PDS5B: variants seen among roughly 807,000 people sequenced by gnomAD.
PDS5B encodes the protein PDS5 cohesin associated factor B.
Under a neutral mutation model 184.1 loss-of-function variants are expected in PDS5B, and 51 were observed. The ratio of observed to expected loss-of-function variants is 0.28; its 90% CI spans 0.22 to 0.35. The LOEUF is 0.35. Among genes scored for constraint, PDS5B ranks in the 10% least tolerant of loss-of-function variants. PDS5B has a pLI of 1.00. For synonymous variants in PDS5B, 566 were observed against 569.2 expected, an observed-to-expected ratio of 0.99 and a Z score of 0.08; for missense variants, 1,180 against 1,723.3, an observed-to-expected ratio of 0.68 and a Z score of 5.58.
chr13:32,648,488 CTAT>C (rs887487834), intron 1 of PDS5B, among the ~76,000 whole-genome samples: 6 of 151,944 alleles, frequency 3.9e-5, no homozygotes, highest in South Asian at 2.1e-4. Context: ...CTCTAGCTTA[CTAT>C]TATTATTATT....
intron 9 of PDS5B, among the ~76,000 whole-genome samples, chr13:32,676,610 A>G (rs1021760302): frequency 4.6e-5 from 7 of 152,200 alleles, no homozygotes; most frequent in African/African-American, 1.7e-4. Context: ...AATTATTCTC[A>G]TAACAAATAA....
intron 17 of PDS5B, among the ~76,000 whole-genome samples, chr13:32,702,826 C>CT (rs1294403976): frequency 1.3e-5 from 2 of 152,042 alleles, no homozygotes; most frequent in Non-Finnish European, 1.5e-5. Context: ...CTTCCTTTTA[C>CT]TTTATCTGTT....
intron 23 of PDS5B, 53 bp from the exon 24 acceptor site, chr13:32,745,924 T>C: frequency 1.4e-6 from 2 of 1,441,142 alleles, no homozygotes; most frequent in South Asian, 2.4e-5. Context: ...GTACAGAAGA[T>C]TTTGTACAAA....
At chr13:32,771,432 T>C (rs902755811) in intron 33 of PDS5B, among the ~76,000 whole-genome samples, 3 of 152,194 alleles carry the variant, frequency 2.0e-5, no homozygotes, top group Admixed American at 1.3e-4. Context: ...TTTTTTCTCC[T>C]TAGTTATGTG....
intron 6 of PDS5B, among the ~76,000 whole-genome samples, chr13:32,664,354 A>G (rs1950728674): frequency 6.6e-6 from 1 of 152,222 alleles, no homozygotes; most frequent in African/African-American, 2.4e-5. Flanking sequence ...TTCTAGCATA[A>G]TTTCAAAAAA....
Position 32,678,868 on chromosome 13 carries a change from A to G in PDS5B, c.996A>G (p.Glu332=), listed in dbSNP as rs1951148705. The change falls in exon 10 of 35, where the codon GAA becomes GAG. Residue 332 remains glutamate (E), a synonymous_variant. Transcript: ENST00000315596. ...FNDIHVPIRL[E]CVKFASHCLM... ...ATATCCATGTACCAATCCGCCTGGA[A>G]TGTGTGAAATTTGCTAGCCATTGTC... is the stretch of plus-strand genomic sequence containing the variant. 1.2e-6 allele frequency: 2 copies of G among 1,608,936 alleles called. No individual in the cohort carries two copies. The highest frequency in any genetic ancestry group is 8.5e-7 in the Non-Finnish European group (1 of 1,175,418).
At chr13:32,748,093 A>C (rs188458988) in intron 24 of PDS5B, among the ~76,000 whole-genome samples, 1 of 152,346 alleles carries the variant, frequency 6.6e-6, no homozygotes, top group East Asian at 1.9e-4. Context: ...GTCAGTGGTT[A>C]AAAATCAGTT....
intron 1 of PDS5B, among the ~76,000 whole-genome samples, chr13:32,640,051 A>C (rs952207448): frequency 2.0e-5 from 3 of 152,178 alleles, no homozygotes; most frequent in Non-Finnish European, 4.4e-5. Flanking sequence ...CTATTCAGTG[A>C]AAATATCTTA....
intron 31 of PDS5B, among the ~76,000 whole-genome samples, chr13:32,769,722 CTATGTGGTAAAATTAGAAT>C (rs1333699265): frequency 2.0e-5 from 3 of 152,210 alleles, no homozygotes; most frequent in African/African-American, 7.2e-5. Context: ...GTCTTACGCA[CTATGTGGTAAAATTAGAAT>C]TACTTAAATT....
At chr13:32,744,619 C>T (rs2140979787) in intron 23 of PDS5B, among the ~76,000 whole-genome samples, 1 of 152,198 alleles carries the variant, frequency 6.6e-6, no homozygotes, top group Middle Eastern at 3.4e-3. Flanking sequence ...GGATAGATAA[C>T]ACAGGAAGCA....
chr13:32,759,449 G>A (rs1226746644), intron 28 of PDS5B, among the ~76,000 whole-genome samples, 179 bp from the exon 29 acceptor site: 1 of 152,184 alleles, frequency 6.6e-6, no homozygotes, highest in East Asian at 1.9e-4. Flanking sequence ...GTTAATATTA[G>A]AGTTGGCATG....
At chr13:32,645,150 A>T (rs1367438436) in intron 1 of PDS5B, among the ~76,000 whole-genome samples, 3 of 151,850 alleles carry the variant, frequency 2.0e-5, no homozygotes, top group Non-Finnish European at 4.4e-5. Context: ...TTTTTTATTC[A>T]TTTTAATTTT....
chr13:32,646,407 A>G (rs1950228891), intron 1 of PDS5B, among the ~76,000 whole-genome samples: 1 of 103,450 alleles, frequency 9.7e-6, no homozygotes. Context: ...CCATTGTATG[A>G]CTATACTACA....
intron 16 of PDS5B, among the ~76,000 whole-genome samples, 169 bp downstream of exon 16, chr13:32,700,038 A>G (rs576876241): frequency 4.4e-4 from 67 of 152,226 alleles, no homozygotes; most frequent in African/African-American, 1.6e-3. Context: ...ATTGTGGTGT[A>G]TGTCCTTCTA....
chr13:32,716,515 G>T (rs1290052637), intron 19 of PDS5B, among the ~76,000 whole-genome samples: 1 of 151,282 alleles, frequency 6.6e-6, no homozygotes, highest in Non-Finnish European at 1.5e-5. Context: ...CAGCCACCCC[G>T]TCTGGGAAGT....
intron 1 of PDS5B, among the ~76,000 whole-genome samples, chr13:32,587,843 T>G (rs2057714702): frequency 6.6e-6 from 1 of 152,230 alleles, no homozygotes; most frequent in South Asian, 2.1e-4. Context: ...TCGAAAACTT[T>G]GGGTATAGCC....
At chr13:32,631,034 C>T (rs1016686192) in intron 1 of PDS5B, among the ~76,000 whole-genome samples, 1 of 151,662 alleles carries the variant, frequency 6.6e-6, no homozygotes, top group Non-Finnish European at 1.5e-5. Flanking sequence ...CTCAAGTGAT[C>T]CACCTGCCTT....
intron 18 of PDS5B, 64 bp from the exon 19 acceptor site, chr13:32,709,882 A>G: frequency 2.1e-6 from 2 of 961,132 alleles, no homozygotes; most frequent in Non-Finnish European, 2.8e-6. Flanking sequence ...AATATGTAAT[A>G]TTTTGGATTT....
intron 20 of PDS5B, among the ~76,000 whole-genome samples, chr13:32,734,494 C>G (rs749163133): frequency 7.9e-5 from 12 of 152,016 alleles, no homozygotes; most frequent in Admixed American, 2.0e-4. Flanking sequence ...TAATGAAGAT[C>G]CCCAAATTCA....
Sources: allele counts gnomAD v4.1 joint callset (sites outside exome capture counted in the v4.1 genomes callset), GRCh38; gene constraint gnomAD v4.1.1; transcripts MANE v1.5; gene names NCBI Gene and HGNC (gene_info 2026-07-23, HGNC 2026-07-21).